Variants in ZEB1 observed in about 807,000 individuals in gnomAD.
The protein encoded by ZEB1 is zinc finger E-box-binding homeobox 1.
A neutral mutation model predicts 84.9 loss-of-function variants in ZEB1; 21 were observed. The ratio of observed to expected loss-of-function variants is 0.25; its 90% CI spans 0.18 to 0.36. The LOEUF (loss-of-function observed/expected upper bound fraction) is 0.36. ZEB1 is among the 10% of genes least tolerant of loss of function. The pLI is 1.00. For missense variants in ZEB1, 1,104 were observed against 1,330.2 expected (o/e 0.83, Z 2.65); for synonymous variants, 420 against 471.1 (o/e 0.89, Z 1.41).
chr10:31,471,085 A>G (rs2063174669), intron 2 of ZEB1, among the ~76,000 whole-genome samples: 1 of 131,830 alleles, frequency 7.6e-6, no homozygotes, highest in Non-Finnish European at 1.6e-5. Context: ...GAAAGGAACA[A>G]CCGGTACCAG....
rs114594982 is a variant in ZEB1, at chr10:31,325,882, G to A, written c.58+6590G>A. Among the ~76,000 whole-genome samples the A allele has an allele frequency of 5.6e-3, 845 of 150,560 alleles. 12 individuals carry two copies. Among genetic ancestry groups the A allele is most frequent in the African/African-American group, 0.02 (807 of 41,008 alleles). ...TATATCTGTTACTATTCATGCTCAC[G>A]GCCTAAAATATATTCTGATTTCCCT... On this transcript the variant is annotated intron_variant, in intron 1 of 8. Transcript: ENST00000424869.
intron 1 of ZEB1, among the ~76,000 whole-genome samples, chr10:31,371,473 T>C (rs1196278893): frequency 6.6e-6 from 1 of 152,202 alleles, no homozygotes; most frequent in African/African-American, 2.4e-5. Context: ...TGGGTTTCAT[T>C]AGGCTAAATA....
intron 1 of ZEB1, among the ~76,000 whole-genome samples, chr10:31,368,704 T>C (rs2045082423): frequency 6.6e-6 from 1 of 152,214 alleles, no homozygotes; most frequent in Admixed American, 6.5e-5. Context: ...AATTTGGTTT[T>C]ATATGCTAAA....
intron 1 of ZEB1, among the ~76,000 whole-genome samples, chr10:31,351,734 A>G (rs973994390): frequency 3.3e-5 from 5 of 152,182 alleles, no homozygotes; most frequent in African/African-American, 7.2e-5. Flanking sequence ...TTCAGAGGTT[A>G]TCTAAAAATA....
intron 1 of ZEB1, among the ~76,000 whole-genome samples, chr10:31,365,169 GAATGTGTCTAGA>G (rs1392364875): frequency 6.6e-6 from 1 of 152,200 alleles, no homozygotes; most frequent in African/African-American, 2.4e-5. Flanking sequence ...GGTCTTCCTG[GAATGTGTCTAGA>G]AAGCAAATAG....
At chr10:31,426,822 A>G (rs555848190) in intron 1 of ZEB1, among the ~76,000 whole-genome samples, 1 of 152,308 alleles carries the variant, frequency 6.6e-6, no homozygotes, top group Admixed American at 6.5e-5. Flanking sequence ...TTCCATAGTC[A>G]TGCTTTGGAT....
intron 1 of ZEB1, among the ~76,000 whole-genome samples, chr10:31,332,709 C>CT (rs756123952): frequency 8.6e-5 from 13 of 152,002 alleles, no homozygotes; most frequent in Non-Finnish European, 1.3e-4. Context: ...AAACCAGTGC[C>CT]TTTTTTTAGA....
rs1050714251 is a variant in ZEB1 at position 31,444,513 on chromosome 10, C to T, written c.59-16524C>T. ...CATGCCTATGTCCTGAATGGTAATG[C>T]CTAGGTTTTCTTCTAGGGTTTTTAT... On this transcript the variant is annotated intron_variant, in intron 1 of 8. Coordinates refer to ENST00000424869, the MANE Select transcript of ZEB1 (RefSeq NM_001174096.2). Among the ~76,000 whole-genome samples the T allele has an allele frequency of 3.3e-5, 5 of 151,250 alleles. No individual in the cohort carries two copies. In the East Asian group the frequency reaches 5.8e-4, roughly 18 times the overall value.
chr10:31,362,913 G>A, intron 1 of ZEB1: 1 of 1,475,000 alleles, frequency 6.8e-7, no homozygotes, highest in Non-Finnish European at 9.2e-7. Flanking sequence ...TCTTACGCAT[G>A]TTGCCATGCT....
At chr10:31,427,275 G>A (rs765541587) in intron 1 of ZEB1, among the ~76,000 whole-genome samples, 6 of 152,098 alleles carry the variant, frequency 3.9e-5, no homozygotes, top group Non-Finnish European at 7.4e-5. Context: ...AATTCTACCA[G>A]GCATGGCAAA....
At chr10:31,407,737 C>A (rs1214855514) in intron 1 of ZEB1, among the ~76,000 whole-genome samples, 1 of 151,692 alleles carries the variant, frequency 6.6e-6, no homozygotes, top group Non-Finnish European at 1.5e-5. Flanking sequence ...ATTGATGGGA[C>A]GTATCTCAAA....
Position 31,391,331 on chromosome 10 carries a change from C to T in ZEB1, c.59-69706C>T, listed in dbSNP as rs190182588. 1.8e-4 allele frequency among the ~76,000 whole-genome samples: 28 copies of T among 151,536 alleles called. No homozygotes were observed. The East Asian group carries it at 5.1e-3, about 27-fold the overall frequency. On this transcript the variant is annotated intron_variant, in intron 1 of 8. Coordinates refer to ENST00000424869, the MANE Select transcript of ZEB1 (RefSeq NM_001174096.2). ...ATTTCAGAATTTGAAAATATTGCCC[C>T]TCCCCCAAAACAGTCACCTGAAAGG... is the stretch of plus-strand genomic sequence containing the variant.
chr10:31,333,468 TGGG>T (rs2037253293), intron 1 of ZEB1, among the ~76,000 whole-genome samples: 1 of 152,006 alleles, frequency 6.6e-6, no homozygotes, highest in Non-Finnish European at 1.5e-5. Context: ...ATATAAAACT[TGGG>T]AGGAGGGTAA....
chr10:31,336,026 T>C (rs2037969355), intron 1 of ZEB1, among the ~76,000 whole-genome samples: 1 of 152,124 alleles, frequency 6.6e-6, no homozygotes, highest in African/African-American at 2.4e-5. Context: ...GCTCAATATC[T>C]TTATGGAGAA....
intron 8 of ZEB1, among the ~76,000 whole-genome samples, chr10:31,524,993 A>G (rs1487611088): frequency 2.0e-5 from 3 of 152,208 alleles, no homozygotes; most frequent in Admixed American, 1.3e-4. Flanking sequence ...CACAGGCCAA[A>G]TGTGAGCATA....
chr10:31,367,195 C>G (rs1349327110), intron 1 of ZEB1, among the ~76,000 whole-genome samples: 1 of 152,058 alleles, frequency 6.6e-6, no homozygotes, highest in Non-Finnish European at 1.5e-5. Flanking sequence ...AAAACTGAAG[C>G]TTTTTCTGTT....
intron 1 of ZEB1, among the ~76,000 whole-genome samples, chr10:31,447,324 G>T (rs1222362321): frequency 7.3e-6 from 1 of 136,402 alleles, no homozygotes; most frequent in Admixed American, 7.5e-5. Flanking sequence ...ACGTGAGATG[G>T]GTTTCCTGAA....
At chr10:31,425,333 A>G (rs1418283966) in intron 1 of ZEB1, among the ~76,000 whole-genome samples, 3 of 152,022 alleles carry the variant, frequency 2.0e-5, no homozygotes, top group Non-Finnish European at 4.4e-5. Context: ...GATTCAGAGC[A>G]TTGTCATTTG....
chr10:31,456,653 G>A (rs1371093131), intron 1 of ZEB1, among the ~76,000 whole-genome samples: 4 of 152,028 alleles, frequency 2.6e-5, no homozygotes, highest in African/African-American at 9.7e-5. Flanking sequence ...AGCCAACCTG[G>A]CTTTCACTCT....
Sources: allele counts gnomAD v4.1 joint callset (sites outside exome capture counted in the v4.1 genomes callset), GRCh38; gene constraint gnomAD v4.1.1; transcripts MANE v1.5; gene names NCBI Gene and HGNC (gene_info 2026-07-23, HGNC 2026-07-21).